Variants in SIK2 observed in about 807,000 individuals in gnomAD.
SIK2 encodes salt inducible kinase 2.
In SIK2, 29 loss-of-function variants were observed where a neutral mutation model predicts 103.2. That is an observed-to-expected ratio of 0.28 (90% confidence interval 0.21 to 0.38). The LOEUF (loss-of-function observed/expected upper bound fraction) is 0.38, where lower values mean the gene tolerates loss of function less well. Ranked by LOEUF, SIK2 falls within the 10% of genes least tolerant of loss-of-function variation. The pLI, the probability that SIK2 is intolerant of heterozygous loss-of-function variation, is 1.00. For synonymous variants in SIK2, 412 were observed against 446.1 expected (o/e 0.92, Z 0.96); for missense variants, 879 against 1,171.0 (o/e 0.75, Z 3.64).
rs902523495 is a variant in SIK2, at chr11:111,602,779, G to T, written c.135+81G>T. 7 of 1,416,990 alleles carry T rather than the reference G, an allele frequency of 4.9e-6. No homozygotes were observed. Among genetic ancestry groups the T allele is most frequent in the East Asian group, 3.0e-5 (1 of 33,536 alleles). 87.8% of individuals were successfully genotyped at this position (1,416,990 alleles called of 1,614,324 possible). A position where few individuals can be genotyped will look rare whatever the true frequency, so the allele number is the denominator to read the frequency against. ...CTTACCGAGAGGGGCGGCCGCAGTG[G>T]TGGGACCGGGGAGACCCGAGAGGCC... On this transcript the variant is annotated intron_variant, in intron 1 of 14. Transcript: ENST00000304987. The surrounding 1 kb of genome is among the most constrained non-coding windows in gnomAD (Gnocchi z 4.5).
chr11:111,680,926 G>A (rs1266969766), intron 3 of SIK2, among the ~76,000 whole-genome samples: 1 of 152,192 alleles, frequency 6.6e-6, no homozygotes, highest in African/African-American at 2.4e-5. Context: ...TGGGGCATCA[G>A]CCTTCAGGGT....
chr11:111,712,218 C>A lies in SIK2; in HGVS notation c.1109C>A (p.Thr370Asn). 1.2e-6 allele frequency: 2 copies of A among 1,614,166 alleles called. No individual in the cohort carries two copies. The highest frequency in any genetic ancestry group is 1.7e-6 in the Non-Finnish European group (2 of 1,180,018). Reference protein sequence around the residue: ...IAEQTVAKAQTVGLPVTMHSP... With the variant: ...IAEQTVAKAQNVGLPVTMHSP... ...TTCTTGCCATATTTACAGGCACAGA[C>A]TGTGGGGCTCCCAGTGACCATGCAT... The change falls in exon 9 of 15, where the codon ACT (threonine) becomes AAT (asparagine). Residue 370 changes from threonine (T) to asparagine (N), a missense_variant. By Grantham distance (65) the Thr-to-Asn change is moderately conservative (BLOSUM62 0). This residue lies in a region of SIK2 where 222 missense variants were observed against 258.0 expected (regional missense o/e 0.86). Transcript: ENST00000304987.
At chr11:111,612,057 T>A (rs1319384273) in intron 1 of SIK2, among the ~76,000 whole-genome samples, 1 of 152,212 alleles carries the variant, frequency 6.6e-6, no homozygotes, top group African/African-American at 2.4e-5. Context: ...TCAAATCTCA[T>A]TCATTTTTAT....
chr11:111,641,099 A>G (rs947232695), intron 3 of SIK2, among the ~76,000 whole-genome samples: 7 of 152,068 alleles, frequency 4.6e-5, no homozygotes, highest in Non-Finnish European at 8.8e-5. Context: ...GACTCTTAGC[A>G]TGCATTCTCT....
intron 4 of SIK2, among the ~76,000 whole-genome samples, chr11:111,692,578 G>A (rs1591619691): frequency 1.3e-5 from 2 of 151,998 alleles, no homozygotes; most frequent in South Asian, 2.1e-4. Context: ...GATCATTCAC[G>A]TGCTATAAAG....
chr11:111,692,379 A>AAAAAAAAAAAAAAAAAAAAAC (rs1942965558), intron 4 of SIK2, among the ~76,000 whole-genome samples: 1 of 144,958 alleles, frequency 6.9e-6, no homozygotes, highest in South Asian at 2.1e-4. Flanking sequence ...AAAAAAAAAA[A>AAAAAAAAAAAAAAAAAAAAAC]AAAAAAAAAC....
At chr11:111,652,404 A>C (rs1235422287) in intron 3 of SIK2, among the ~76,000 whole-genome samples, 7 of 152,156 alleles carry the variant, frequency 4.6e-5, no homozygotes, top group African/African-American at 1.7e-4. Context: ...CTAGTCTCCC[A>C]GTTTGCAGTT....
chr11:111,676,749 AT>A (rs938930308), intron 3 of SIK2, among the ~76,000 whole-genome samples: 30 of 152,326 alleles, frequency 2.0e-4, no homozygotes, highest in African/African-American at 7.2e-4. Flanking sequence ...TTAGTATCTC[AT>A]TCTCCAAGTT....
chr11:111,633,279 C>A (rs980394639), intron 3 of SIK2, among the ~76,000 whole-genome samples: 1 of 151,998 alleles, frequency 6.6e-6, no homozygotes, highest in East Asian at 1.9e-4. Flanking sequence ...CTTTCCTGCA[C>A]AACTCATTTT....
intron 9 of SIK2, among the ~76,000 whole-genome samples, chr11:111,713,798 C>T (rs1216656139): frequency 6.6e-6 from 1 of 152,154 alleles, no homozygotes; most frequent in Non-Finnish European, 1.5e-5. Flanking sequence ...GAAACTCCGT[C>T]TCTACTAAAA....
chr11:111,699,324 C>T (rs983427832), intron 4 of SIK2, among the ~76,000 whole-genome samples: 4 of 152,172 alleles, frequency 2.6e-5, no homozygotes, highest in Admixed American at 6.5e-5. Context: ...ACTTTTTCTA[C>T]CCCTCCTATC....
Position 111,620,333 on chromosome 11 carries a change from C to G in SIK2, c.253-6C>G. The G allele has an allele frequency of 6.5e-7, 1 of 1,548,402 alleles. No homozygotes were observed. The highest frequency in any genetic ancestry group is 8.8e-7 in the Non-Finnish European group (1 of 1,137,880). On this transcript the variant is annotated splice_polypyrimidine_tract_variant and splice_region_variant and intron_variant, in intron 2 of 14. Coordinates refer to ENST00000304987, the MANE Select transcript of SIK2 (RefSeq NM_015191.3). The stretch of plus-strand genomic sequence containing the variant: ...GTCAGACTAATATGGAATTATTTAT[C>G]AATAGGTAATGGAGACCAAAAGTAT...
At chr11:111,674,422 C>T (rs148477402) in intron 3 of SIK2, among the ~76,000 whole-genome samples, 20 of 152,276 alleles carry the variant, frequency 1.3e-4, no homozygotes, top group Admixed American at 2.0e-4. Flanking sequence ...AAAAAGTGCT[C>T]AAGTGACTTC....
chr11:111,684,630 G>C lies in SIK2; in HGVS notation c.317-3371G>C, dbSNP rs551580898. The stretch of plus-strand genomic sequence containing the variant: ...GTAGGTTATATTTGCCCAAAGGTCC[G>C]TATTTATAGTGGACTTCCCAGCTCA... On this transcript the variant is annotated intron_variant, in intron 3 of 14. Transcript: ENST00000304987. 1.3e-3 allele frequency among the ~76,000 whole-genome samples: 191 copies of C among 152,310 alleles called. 4 individuals are homozygous for C. Among genetic ancestry groups the C allele is most frequent in the Non-Finnish European group, 1.2e-3 (84 of 68,028 alleles).
At chr11:111,712,058 T>C (rs368770882) in intron 8 of SIK2, among the ~76,000 whole-genome samples, 153 bp from the exon 9 acceptor site, 48 of 152,370 alleles carry the variant, frequency 3.2e-4, no homozygotes, top group African/African-American at 1.1e-3. Flanking sequence ...GTCTGCACCA[T>C]GTATATATTT....
At chr11:111,678,064 GCCTTCCTCCTTCC>G (rs1209605274) in intron 3 of SIK2, among the ~76,000 whole-genome samples, 2 of 152,062 alleles carry the variant, frequency 1.3e-5, no homozygotes, top group Admixed American at 1.3e-4. Context: ...TTCATCGTAC[GCCTTCCTCCTTCC>G]CTGTTCTTTA....
At chr11:111,694,288 GAA>G (rs578221958) in intron 4 of SIK2, among the ~76,000 whole-genome samples, 52 of 152,206 alleles carry the variant, frequency 3.4e-4, no homozygotes, top group African/African-American at 1.1e-3. Context: ...TAGGACCAAG[GAA>G]AGTTTTTCAC....
At chr11:111,672,369 C>A in intron 3 of SIK2, 1 of 535,340 alleles carries the variant, frequency 1.9e-6, no homozygotes, top group Non-Finnish European at 2.9e-6. Flanking sequence ...CAGAGGTGGA[C>A]ACCTTGTAGG....
intron 8 of SIK2, among the ~76,000 whole-genome samples, chr11:111,706,036 C>T (rs1033584277): frequency 6.6e-6 from 1 of 152,168 alleles, no homozygotes; most frequent in Non-Finnish European, 1.5e-5. Context: ...GAAGCAGGGA[C>T]TCTGGAGCAA....
Sources: gnomAD v4.1 joint callset for allele counts (sites outside exome capture counted in the v4.1 genomes callset) on GRCh38, gnomAD v4.1.1 for gene constraint, gnomAD v4.1.1 regional missense constraint, Gnocchi (gnomAD v3.1) non-coding constraint, MANE v1.5 for transcripts, NCBI Gene and HGNC (gene_info 2026-07-23, HGNC 2026-07-21) for gene names.